ARB2A: variants seen among roughly 807,000 people sequenced by gnomAD.
ARB2A encodes cotranscriptional regulator ARB2A.
chr5:93,650,345 G>A, the ARB2A span, among the ~76,000 whole-genome samples: 1 of 152,080 alleles, frequency 6.6e-6, no homozygotes, highest in Admixed American at 6.5e-5. Flanking sequence ...GGTGATTGCT[G>A]AACTATAAAG....
the ARB2A span, among the ~76,000 whole-genome samples, chr5:93,854,065 T>C: frequency 3.1e-3 from 468 of 152,232 alleles, 4 homozygotes; most frequent in African/African-American, 0.011. Context: ...TGGTAGAATT[T>C]GGCTCTGAAT....
the ARB2A span, among the ~76,000 whole-genome samples, chr5:93,846,615 G>A: frequency 6.6e-6 from 1 of 152,048 alleles, no homozygotes; most frequent in Non-Finnish European, 1.5e-5. Flanking sequence ...TCACAAAGGT[G>A]TAATTAAGTT....
the ARB2A span, chr5:93,620,742 AGCGCTGACTGGCAGCGCTCAGCCC>A: frequency 7.5e-6 from 3 of 400,184 alleles, no homozygotes; most frequent in Non-Finnish European, 1.3e-5. Context: ...CCTTAATGTG[AGCGCTGACTGGCAGCGCTCAGCCC>A]GCGCTCAGCC....
At chr5:93,694,791 C>T in the ARB2A span, among the ~76,000 whole-genome samples, 1 of 152,302 alleles carries the variant, frequency 6.6e-6, no homozygotes, top group East Asian at 1.9e-4. Flanking sequence ...TCAAACTATA[C>T]TATAAGGCTA....
At chr5:93,965,281 C>T in the ARB2A span, among the ~76,000 whole-genome samples, 1 of 151,860 alleles carries the variant, frequency 6.6e-6, no homozygotes, top group African/African-American at 2.4e-5. Context: ...AATTTGGTAG[C>T]TTTTATAAAG....
the ARB2A span, among the ~76,000 whole-genome samples, chr5:93,891,148 A>C: frequency 6.6e-6 from 1 of 152,158 alleles, no homozygotes; most frequent in Non-Finnish European, 1.5e-5. Flanking sequence ...GTGAAAAGGA[A>C]GCACATAGTC....
At chr5:93,645,062 TA>T in the ARB2A span, among the ~76,000 whole-genome samples, 6 of 152,324 alleles carry the variant, frequency 3.9e-5, no homozygotes, top group African/African-American at 1.4e-4. Context: ...GGTCATTTCC[TA>T]AACATGAGGT....
chr5:93,933,282 C>T, the ARB2A span, among the ~76,000 whole-genome samples: 5 of 152,172 alleles, frequency 3.3e-5, no homozygotes, highest in Non-Finnish European at 7.3e-5. Context: ...TACCATTTTA[C>T]CCAGCTATCC....
chr5:93,628,145 G>C, the ARB2A span, among the ~76,000 whole-genome samples: 2 of 148,056 alleles, frequency 1.4e-5, no homozygotes, highest in African/African-American at 2.5e-5. Context: ...CCGCCTCCCA[G>C]GTTCAAGTGA....
At chr5:93,731,291 T>G in the ARB2A span, among the ~76,000 whole-genome samples, 1 of 151,752 alleles carries the variant, frequency 6.6e-6, no homozygotes, top group Non-Finnish European at 1.5e-5. Flanking sequence ...GCAATATCAC[T>G]CACAAAAAGA....
chr5:93,878,440 G>A, the ARB2A span, among the ~76,000 whole-genome samples: 1 of 151,908 alleles, frequency 6.6e-6, no homozygotes, highest in Non-Finnish European at 1.5e-5. Flanking sequence ...GTGTGTGTGT[G>A]TTTATGGTAC....
chr5:93,701,847 T>G, the ARB2A span, among the ~76,000 whole-genome samples: 1 of 152,204 alleles, frequency 6.6e-6, no homozygotes, highest in Admixed American at 6.5e-5. Flanking sequence ...CATGGCTTAC[T>G]TGCCTGCCGT....
chr5:93,658,548 G>C, the ARB2A span, among the ~76,000 whole-genome samples: 4 of 152,166 alleles, frequency 2.6e-5, no homozygotes, highest in East Asian at 5.8e-4. Flanking sequence ...TAACAAAAAA[G>C]ATGTGGTCAC....
chr5:93,747,018 T>C, the ARB2A span, among the ~76,000 whole-genome samples: 1 of 152,150 alleles, frequency 6.6e-6, no homozygotes, highest in East Asian at 1.9e-4. Context: ...CTAGTCAGGG[T>C]GCAGTCACTA....
chr5:93,656,682 A>G, the ARB2A span, among the ~76,000 whole-genome samples: 1 of 152,208 alleles, frequency 6.6e-6, no homozygotes, highest in Non-Finnish European at 1.5e-5. Flanking sequence ...ACAAAAAAGC[A>G]ACACTCCACA....
At chr5:93,959,867 A>T in the ARB2A span, among the ~76,000 whole-genome samples, 1 of 152,130 alleles carries the variant, frequency 6.6e-6, no homozygotes, top group South Asian at 2.1e-4. Flanking sequence ...ATATGCCATG[A>T]CACACTGAGT....
At chr5:93,926,655 A>T in the ARB2A span, among the ~76,000 whole-genome samples, 9 of 152,104 alleles carry the variant, frequency 5.9e-5, no homozygotes, top group African/African-American at 2.2e-4. Context: ...GATAAAATGC[A>T]AATGTGGGTT....
the ARB2A span, among the ~76,000 whole-genome samples, chr5:93,845,381 G>GC: frequency 6.6e-6 from 1 of 152,126 alleles, no homozygotes; most frequent in Non-Finnish European, 1.5e-5. Flanking sequence ...CAATAACCTA[G>GC]CAAGAACCCT....
chr5:94,001,370 T>C, the ARB2A span, among the ~76,000 whole-genome samples: 1 of 152,150 alleles, frequency 6.6e-6, no homozygotes, highest in African/African-American at 2.4e-5. Context: ...TGGTTTCTGA[T>C]AATTTGTGGA....
Sources: gnomAD v4.1 joint callset for allele counts (sites outside exome capture counted in the v4.1 genomes callset) on GRCh38, gnomAD v4.1.1 for gene constraint, MANE v1.5 for transcripts, NCBI Gene and HGNC (gene_info 2026-07-23, HGNC 2026-07-21) for gene names.